ANKDD1A: variants seen among roughly 807,000 people sequenced by gnomAD.
ANKDD1A encodes ankyrin repeat and death domain-containing protein 1A.
ANKDD1A carries 59 observed loss-of-function variants against 63.5 expected under a neutral mutation model. The ratio of observed to expected loss-of-function variants is 0.93; its 90% CI spans 0.75 to 1.15. The LOEUF (loss-of-function observed/expected upper bound fraction) is 1.15, where lower values mean the gene tolerates loss of function less well. Among genes scored for constraint, ANKDD1A ranks in the 50% most tolerant of loss-of-function variants. The probability of loss-of-function intolerance (pLI) is 0.00; values close to 1 mark genes in which losing one functional copy is unlikely to be tolerated. For missense variants in ANKDD1A, 632 were observed against 656.4 expected, an observed-to-expected ratio of 0.96 and a Z score of 0.41; for synonymous variants, 266 against 263.9, an observed-to-expected ratio of 1.01 and a Z score of -0.08.
At chr15:64,952,361 CTTCT>C (rs1478374936) in intron 14 of ANKDD1A, among the ~76,000 whole-genome samples, 5 of 125,366 alleles carry the variant, frequency 4.0e-5, no homozygotes, top group South Asian at 3.3e-4. Flanking sequence ...CTTCCTCCTT[CTTCT>C]TTCTTCTTCC....
chr15:64,956,934 T>C (rs964482524), intron 14 of ANKDD1A, among the ~76,000 whole-genome samples, 169 bp from the exon 15 acceptor site: 2 of 152,218 alleles, frequency 1.3e-5, no homozygotes, highest in East Asian at 1.9e-4. Context: ...AGGGAAAAAA[T>C]AGACAACTTT....
At chr15:64,945,886 C>G (rs1017764001) in intron 12 of ANKDD1A, among the ~76,000 whole-genome samples, 3 of 151,768 alleles carry the variant, frequency 2.0e-5, no homozygotes, top group Admixed American at 1.3e-4. Flanking sequence ...CCCACCTCAG[C>G]CTCCCAAAGT....
intron 1 of ANKDD1A, among the ~76,000 whole-genome samples, chr15:64,914,930 CAGAGA>C (rs939307386): frequency 6.6e-6 from 1 of 152,104 alleles, no homozygotes; most frequent in Non-Finnish European, 1.5e-5. Flanking sequence ...GAGAGGAGCA[CAGAGA>C]AGAGAGACCA....
chr15:64,956,915 A>T (rs1445483661), intron 14 of ANKDD1A, among the ~76,000 whole-genome samples, 188 bp from the exon 15 acceptor site: 2 of 152,210 alleles, frequency 1.3e-5, no homozygotes, highest in African/African-American at 4.8e-5. Flanking sequence ...TTACGTTATG[A>T]TATATGATAG....
intron 13 of ANKDD1A, among the ~76,000 whole-genome samples, chr15:64,948,539 T>A (rs979398526): frequency 2.0e-5 from 3 of 151,974 alleles, no homozygotes; most frequent in Non-Finnish European, 2.9e-5. Context: ...TAAAGAGATA[T>A]CTGGATCAGG....
intron 2 of ANKDD1A, 41 bp downstream of exon 2, chr15:64,915,941 T>C: frequency 6.3e-7 from 1 of 1,584,196 alleles, no homozygotes. Context: ...CCTGGGATAG[T>C]GTCACGATAA....
At chr15:64,945,631 T>TATATATATATATATATATA (rs1566913754) in intron 12 of ANKDD1A, among the ~76,000 whole-genome samples, 9 of 40,082 alleles carry the variant, frequency 2.2e-4, no homozygotes, top group Non-Finnish European at 2.5e-4. Flanking sequence ...TATATATATA[T>TATATATATATATATATATA]GAACTTTTTT....
At chr15:64,931,416 C>T (rs2085089859) in intron 7 of ANKDD1A, 71 bp from the exon 8 acceptor site, 1 of 1,455,564 alleles carries the variant, frequency 6.9e-7, no homozygotes, top group Non-Finnish European at 9.4e-7. Context: ...GGCATCCTCT[C>T]ACCGTGGGAT....
At chr15:64,954,296 T>G (rs1282767019) in intron 14 of ANKDD1A, among the ~76,000 whole-genome samples, 1 of 24,710 alleles carries the variant, frequency 4.0e-5, no homozygotes, top group East Asian at 5.8e-3. Flanking sequence ...TTAGTTCTCC[T>G]TTTCTTCTCC....
chr15:64,936,051 T>C (rs1338597386), intron 9 of ANKDD1A, among the ~76,000 whole-genome samples: 2 of 152,194 alleles, frequency 1.3e-5, no homozygotes, highest in East Asian at 3.8e-4. Flanking sequence ...TACCTATAAG[T>C]ACTATTATTA....
chr15:64,944,537 C>A, intron 11 of ANKDD1A, 115 bp from the exon 12 acceptor site: 1 of 900,894 alleles, frequency 1.1e-6, no homozygotes, highest in Non-Finnish European at 1.7e-6. Flanking sequence ...CTGCTCTCAG[C>A]GTAGACTGCT....
In ANKDD1A at chr15:64,931,510, G is replaced by C; in HGVS notation, c.693G>C (p.Ser231=). ...QNAEGLTALH[S]AAGGSHPDCV... ...AGGAAGGTCTGACTGCCCTGCATTCGGCTGCTGGAGGATCCCACCCTGACT... is the reference window on the plus strand; with the variant it reads ...AGGAAGGTCTGACTGCCCTGCATTCCGCTGCTGGAGGATCCCACCCTGACT... Residue 231 remains serine (S), a synonymous_variant, in exon 8 of 15, where the codon TCG becomes TCC. Transcript: ENST00000319580. The C allele has an allele frequency of 6.2e-7, 1 of 1,613,932 alleles. No homozygotes were observed.
rs1026814314 is a variant in ANKDD1A, at chr15:64,931,695, G to A, written c.768+110G>A. The A allele has an allele frequency of 2.1e-5, 25 of 1,200,578 alleles. No homozygotes were observed. In the African/African-American group the frequency reaches 3.8e-4, roughly 18 times the overall value. The allele number at this position is 1,200,578 out of a possible 1,614,324, so 74.4% of individuals were successfully genotyped here. A position where few individuals can be genotyped will look rare whatever the true frequency, so the allele number is the denominator to read the frequency against. On this transcript the variant is annotated intron_variant, in intron 8 of 14. Transcript: ENST00000319580. ...AACCCTGAGTGAATAGAGGCTTCGA[G>A]GCAGCAGACAAGGTTCTGATCTTGG... is the stretch of plus-strand genomic sequence containing the variant.
chr15:64,930,389 G>A (rs2085080067), intron 6 of ANKDD1A, among the ~76,000 whole-genome samples: 1 of 152,182 alleles, frequency 6.6e-6, no homozygotes, highest in South Asian at 2.1e-4. Flanking sequence ...ACAGAGGTGG[G>A]GGTTGTAGTT....
At chr15:64,953,678 T>C (rs2085355401) in intron 14 of ANKDD1A, among the ~76,000 whole-genome samples, 1 of 50,238 alleles carries the variant, frequency 2.0e-5, no homozygotes, top group East Asian at 2.4e-3. Flanking sequence ...CTCCTTCTTT[T>C]CTTCTCCTTC....
intron 7 of ANKDD1A, 106 bp from the exon 8 acceptor site, chr15:64,931,381 G>A (rs1246959539): frequency 3.9e-6 from 4 of 1,027,054 alleles, no homozygotes; most frequent in African/African-American, 1.6e-5. Flanking sequence ...GAGAGCTCAA[G>A]GGGTCCTGGG....
At chr15:64,919,156 G>A (rs2140365621) in intron 3 of ANKDD1A, among the ~76,000 whole-genome samples, 1 of 152,262 alleles carries the variant, frequency 6.6e-6, no homozygotes, top group East Asian at 1.9e-4. Flanking sequence ...CTATGTATGT[G>A]GGGAAAGCTG....
At chr15:64,923,808 C>T (rs2085025641) in intron 4 of ANKDD1A, among the ~76,000 whole-genome samples, 1 of 152,124 alleles carries the variant, frequency 6.6e-6, no homozygotes, top group Non-Finnish European at 1.5e-5. Flanking sequence ...GCTCAGTGGC[C>T]CTGGGGAATC....
At chr15:64,912,973 C>T (rs956915129) in intron 1 of ANKDD1A, among the ~76,000 whole-genome samples, 1 of 152,208 alleles carries the variant, frequency 6.6e-6, no homozygotes, top group Middle Eastern at 3.2e-3. Context: ...TGGGCAAAGG[C>T]TCAGGTAGCT....
Sources: allele counts gnomAD v4.1 joint callset (sites outside exome capture counted in the v4.1 genomes callset), GRCh38; gene constraint gnomAD v4.1.1; transcripts MANE v1.5; gene names NCBI Gene and HGNC (gene_info 2026-07-23, HGNC 2026-07-21).